Variants in PPIL1 observed in about 807,000 individuals in gnomAD.
PPIL1 encodes the protein peptidyl-prolyl cis-trans isomerase-like 1.
In PPIL1, 14 loss-of-function variants were observed where a neutral mutation model predicts 19.4. The observed-to-expected ratio is 0.72, with a 90% CI of 0.48 to 1.13. The LOEUF is 1.13. Ranked by LOEUF, PPIL1 falls within the 50% of genes most tolerant of loss-of-function variation. The pLI, the probability that PPIL1 is intolerant of heterozygous loss-of-function variation, is 0.00. For synonymous variants in PPIL1, 72 were observed against 73.6 expected (o/e 0.98, Z 0.11); for missense variants, 192 against 218.0 (o/e 0.88, Z 0.75).
intron 1 of PPIL1, among the ~76,000 whole-genome samples, chr6:36,874,040 C>T (rs1041757529): frequency 2.0e-5 from 3 of 152,196 alleles, no homozygotes; most frequent in Non-Finnish European, 4.4e-5. Context: ...GAGACGAGCA[C>T]ACCAGGCTCC....
intron 2 of PPIL1, among the ~76,000 whole-genome samples, chr6:36,865,914 T>C (rs1487577998): frequency 1.3e-5 from 2 of 152,182 alleles, no homozygotes; most frequent in Non-Finnish European, 2.9e-5. Context: ...TGAATAAAAT[T>C]AACAGAGCTT....
At position 36,855,725 on chromosome 6, in the gene PPIL1, T is replaced by C; in HGVS notation, c.*88A>G. 1.5e-6 allele frequency: 2 copies of C among 1,298,254 alleles called. No individual in the cohort carries two copies. The highest frequency in any genetic ancestry group is 2.5e-5 in the South Asian group (2 of 80,136). 80.4% of individuals were successfully genotyped at this position (1,298,254 alleles called of 1,614,324 possible). ...AGCTTCATGACTTGCAAAGCCAAAA[T>C]GAATTTAGCATTACATGTCATTCTA... On this transcript the variant is annotated 3_prime_UTR_variant, in exon 4 of 4. Transcript: ENST00000373699.
chr6:36,872,708 A>T (rs2150661951), intron 1 of PPIL1, among the ~76,000 whole-genome samples: 1 of 152,240 alleles, frequency 6.6e-6, no homozygotes, highest in Admixed American at 6.5e-5. Context: ...CCCGGGCTCA[A>T]GTGATCCTCT....
At chr6:36,867,518 G>A (rs1774417550) in intron 2 of PPIL1, among the ~76,000 whole-genome samples, 1 of 152,230 alleles carries the variant, frequency 6.6e-6, no homozygotes, top group Admixed American at 6.5e-5. Context: ...AGCCAACAGG[G>A]GAGTGGGTGA....
chr6:36,857,045 A>G (rs115673754), intron 2 of PPIL1, among the ~76,000 whole-genome samples: 147 of 152,204 alleles, frequency 9.7e-4, no homozygotes, highest in African/African-American at 3.5e-3. Context: ...TTTTTTGAGT[A>G]TTTTAGACAT....
intron 2 of PPIL1, among the ~76,000 whole-genome samples, chr6:36,859,278 A>G (rs983313172): frequency 6.6e-6 from 1 of 152,032 alleles, no homozygotes; most frequent in African/African-American, 2.4e-5. Context: ...TACAAAAATT[A>G]GCCAGGCGTG....
intron 2 of PPIL1, among the ~76,000 whole-genome samples, chr6:36,859,811 T>TTTTGTGTGTGTGTGTGTG (rs112797928): frequency 5.5e-5 from 8 of 144,990 alleles, no homozygotes; most frequent in African/African-American, 2.1e-4. Flanking sequence ...CTGTTTTCTA[T>TTTTGTGTGTGTGTGTGTG]TGTGTGTGTG....
Position 36,874,708 on chromosome 6 carries a change from C to G in PPIL1, c.56+9G>C. 1 of 1,613,868 alleles carries G rather than the reference C, an allele frequency of 6.2e-7. No individual in the cohort carries two copies. Among genetic ancestry groups the G allele is most frequent in the African/African-American group, 1.3e-5 (1 of 75,058 alleles). ...CCTCTGCCAGCCCCAGACGCCCGAA[C>G]CCCCTCACCTGGTCTCCAAGTAAAC... On this transcript the variant is annotated intron_variant, in intron 1 of 3. Coordinates refer to ENST00000373699, the MANE Select transcript of PPIL1 (RefSeq NM_016059.5).
chr6:36,867,013 T>C (rs1198346798), intron 2 of PPIL1, among the ~76,000 whole-genome samples: 1 of 152,074 alleles, frequency 6.6e-6, no homozygotes, highest in East Asian at 1.9e-4. Flanking sequence ...AAGCATGCAG[T>C]TTATATAGCA....
intron 1 of PPIL1, 24 bp downstream of exon 1, chr6:36,874,693 C>G (rs754069371): frequency 1.9e-6 from 3 of 1,612,974 alleles, no homozygotes; most frequent in Non-Finnish European, 2.5e-6. Flanking sequence ...CCTCTGCCAG[C>G]CCCAGACGCC....
intron 2 of PPIL1, among the ~76,000 whole-genome samples, chr6:36,864,546 C>G (rs1026736778): frequency 6.6e-6 from 1 of 152,142 alleles, no homozygotes; most frequent in African/African-American, 2.4e-5. Flanking sequence ...ACTCTCCAAA[C>G]CAGCACTTCC....
chr6:36,872,922 G>C (rs1774547857), intron 1 of PPIL1, among the ~76,000 whole-genome samples: 2 of 152,148 alleles, frequency 1.3e-5, no homozygotes, highest in Admixed American at 1.3e-4. Context: ...TGTGAGAATT[G>C]AGTCAACTCT....
chr6:36,870,881 C>T (rs1207570052), intron 2 of PPIL1, among the ~76,000 whole-genome samples: 1 of 152,188 alleles, frequency 6.6e-6, no homozygotes, highest in Non-Finnish European at 1.5e-5. Flanking sequence ...GCCTCGGGCT[C>T]CCAAAGTGCT....
intron 2 of PPIL1, among the ~76,000 whole-genome samples, chr6:36,860,411 G>C (rs1038518004): frequency 9.2e-5 from 14 of 152,058 alleles, no homozygotes; most frequent in Admixed American, 3.9e-4. Context: ...AGAGTGAGCT[G>C]TGATTGCGCC....
At chr6:36,864,116 G>A (rs1774348994) in intron 2 of PPIL1, among the ~76,000 whole-genome samples, 1 of 151,762 alleles carries the variant, frequency 6.6e-6, no homozygotes, top group Admixed American at 6.6e-5. Context: ...GCTTGAATAG[G>A]AATAAAAGCT....
In PPIL1 at chr6:36,856,613, C is replaced by T. The variant is rs1774172604; in HGVS notation, c.253G>A (p.Glu85Lys). The T allele has an allele frequency of 6.2e-7, 1 of 1,614,160 alleles. No individual in the cohort carries two copies. Among genetic ancestry groups the T allele is most frequent in the Non-Finnish European group, 8.5e-7 (1 of 1,180,020 alleles). The stretch of plus-strand genomic sequence containing the variant: ...GTGAATTTCAAGTCTGGATGAAGTT[C>T]ATCTTCAAACTGTTTGCCATAGATA... The part of the protein sequence containing the change: ...ASIYGKQFED[E>K]LHPDLKFTGA... Residue 85 changes from glutamate (E) to lysine (K), a missense_variant, in exon 3 of 4, where the codon GAA (glutamate) becomes AAA (lysine). Coordinates refer to ENST00000373699, the MANE Select transcript of PPIL1 (RefSeq NM_016059.5).
At chr6:36,870,040 T>G (rs1016632304) in intron 2 of PPIL1, among the ~76,000 whole-genome samples, 3 of 151,750 alleles carry the variant, frequency 2.0e-5, no homozygotes, top group Admixed American at 2.0e-4. Context: ...TATGAATGAT[T>G]TTTCCCCTTT....
intron 3 of PPIL1, 124 bp from the exon 4 acceptor site, chr6:36,856,157 G>C: frequency 3.0e-6 from 3 of 1,012,088 alleles, no homozygotes; most frequent in East Asian, 5.2e-5. Context: ...TCCAGACCCA[G>C]ACAACCCCTC....
intron 2 of PPIL1, among the ~76,000 whole-genome samples, chr6:36,869,350 G>A (rs978965714): frequency 2.6e-5 from 4 of 152,198 alleles, no homozygotes; most frequent in African/African-American, 9.7e-5. Context: ...CCAAGGTCAA[G>A]TGGCCACATT....
Sources: gnomAD v4.1 joint callset for allele counts (sites outside exome capture counted in the v4.1 genomes callset) on GRCh38, gnomAD v4.1.1 for gene constraint, MANE v1.5 for transcripts, NCBI Gene and HGNC (gene_info 2026-07-23, HGNC 2026-07-21) for gene names.